STARD13: variants seen among roughly 807,000 people sequenced by gnomAD.
The protein encoded by STARD13 is StAR related lipid transfer domain containing 13.
Under a neutral mutation model 106.4 loss-of-function variants are expected in STARD13, and 62 were observed. The observed-to-expected ratio is 0.58, with a 90% CI of 0.48 to 0.72. The LOEUF (loss-of-function observed/expected upper bound fraction) is 0.72. Among genes scored for constraint, STARD13 ranks in the 30% least tolerant of loss-of-function variants. STARD13 has a pLI of 0.00. For synonymous variants in STARD13, 565 were observed against 553.0 expected (o/e 1.02, Z -0.31); for missense variants, 1,387 against 1,424.0 (o/e 0.97, Z 0.42).
At chr13:33,140,836 G>A (rs1879725417) in intron 4 of STARD13, among the ~76,000 whole-genome samples, 1 of 149,112 alleles carries the variant, frequency 6.7e-6, no homozygotes, top group African/African-American at 2.5e-5. Context: ...TCAGCTCACT[G>A]CAACCTCCGC....
chr13:33,230,021 G>A lies in STARD13; in HGVS notation c.169+55449C>T, dbSNP rs114444585. 3.4e-3 allele frequency among the ~76,000 whole-genome samples: 520 copies of A among 152,328 alleles called. 4 individuals are homozygous for A. The highest frequency in any genetic ancestry group is 0.012 in the African/African-American group (493 of 41,586). ...TGCTCCATTGGAGAGAAGAGCAGTT[G>A]CCTGAGGCATTTCAAAGACAAGCAA... On this transcript the variant is annotated intron_variant, in intron 1 of 13. Coordinates refer to ENST00000336934, the MANE Select transcript of STARD13 (RefSeq NM_178006.4).
the STARD13 span, among the ~76,000 whole-genome samples, chr13:33,362,865 G>A: frequency 6.6e-6 from 1 of 152,126 alleles, no homozygotes; most frequent in Non-Finnish European, 1.5e-5. Flanking sequence ...TTTCTTTCCC[G>A]AAACTGATTC....
chr13:33,150,717 T>C (rs1881160660), intron 3 of STARD13, among the ~76,000 whole-genome samples: 1 of 152,236 alleles, frequency 6.6e-6, no homozygotes, highest in South Asian at 2.1e-4. Flanking sequence ...CACAGCAGTT[T>C]GACCCTTTCA....
At chr13:33,627,127 C>T in the STARD13 span, among the ~76,000 whole-genome samples, 1 of 152,160 alleles carries the variant, frequency 6.6e-6, no homozygotes. Flanking sequence ...CTGCTTAAAT[C>T]TAGACAGTGT....
At chr13:33,540,285 AG>A in the STARD13 span, among the ~76,000 whole-genome samples, 6 of 152,238 alleles carry the variant, frequency 3.9e-5, no homozygotes, top group Admixed American at 2.6e-4. Flanking sequence ...CCTTAAGTCG[AG>A]AACTTTCACC....
chr13:33,623,176 G>T, the STARD13 span, among the ~76,000 whole-genome samples: 3 of 151,936 alleles, frequency 2.0e-5, no homozygotes, highest in Non-Finnish European at 2.9e-5. Flanking sequence ...AGATCGATCA[G>T]ATAATTTACC....
At chr13:33,540,220 C>T in the STARD13 span, among the ~76,000 whole-genome samples, 641 of 152,230 alleles carry the variant, frequency 4.2e-3, 3 homozygotes, top group African/African-American at 0.015. Flanking sequence ...CATAATTTCA[C>T]AGATAGAAGA....
the STARD13 span, among the ~76,000 whole-genome samples, chr13:33,553,117 A>AAT: frequency 1.3e-5 from 2 of 152,170 alleles, no homozygotes; most frequent in Non-Finnish European, 2.9e-5. Context: ...ATAATTCAAT[A>AAT]ATTTTTATTG....
At chr13:33,400,755 A>G in the STARD13 span, among the ~76,000 whole-genome samples, 9 of 152,088 alleles carry the variant, frequency 5.9e-5, no homozygotes, top group Admixed American at 2.6e-4. Flanking sequence ...GAACCACCGC[A>G]CCCAGCCCGT....
chr13:33,216,624 A>G (rs905855340), intron 1 of STARD13, among the ~76,000 whole-genome samples: 3 of 152,194 alleles, frequency 2.0e-5, no homozygotes, highest in Non-Finnish European at 4.4e-5. Context: ...GTATACTGCT[A>G]GGGTGACAGG....
At chr13:33,571,623 G>A in the STARD13 span, among the ~76,000 whole-genome samples, 9 of 152,096 alleles carry the variant, frequency 5.9e-5, no homozygotes, top group Admixed American at 1.3e-4. Context: ...CTATATTCAA[G>A]TTCATCAGAT....
chr13:33,486,983 A>T, the STARD13 span, among the ~76,000 whole-genome samples: 1 of 152,100 alleles, frequency 6.6e-6, no homozygotes, highest in South Asian at 2.1e-4. Flanking sequence ...TTCTAAACTC[A>T]CCGTAGCCTG....
chr13:33,447,229 G>T, the STARD13 span, among the ~76,000 whole-genome samples: 1 of 152,254 alleles, frequency 6.6e-6, no homozygotes, highest in East Asian at 1.9e-4. Flanking sequence ...ACCTAAAAAC[G>T]TCCGTCTCTT....
At chr13:33,497,010 T>G in the STARD13 span, among the ~76,000 whole-genome samples, 1 of 152,144 alleles carries the variant, frequency 6.6e-6, no homozygotes, top group Non-Finnish European at 1.5e-5. Flanking sequence ...CTGTTTTGTC[T>G]TATTTTCACA....
intron 1 of STARD13, among the ~76,000 whole-genome samples, chr13:33,298,283 C>T (rs978930424): frequency 6.7e-6 from 1 of 149,176 alleles, no homozygotes; most frequent in Non-Finnish European, 1.5e-5. Context: ...GCATATGCCA[C>T]CATGCTCAGC....
intron 1 of STARD13, chr13:33,335,209 C>T (rs2017328): frequency 0.56 from 84,670 of 152,086 alleles, 25,323 homozygotes; most frequent in East Asian, 0.94. Context: ...ACTTTTGTTA[C>T]AATCTGTTGA....
chr13:33,178,791 T>C (rs1884958945), intron 1 of STARD13, among the ~76,000 whole-genome samples: 1 of 152,242 alleles, frequency 6.6e-6, no homozygotes, highest in Non-Finnish European at 1.5e-5. Context: ...TGGTATTTCC[T>C]GGTTGCTGAA....
chr13:33,538,607 A>G, the STARD13 span, among the ~76,000 whole-genome samples: 2 of 152,006 alleles, frequency 1.3e-5, no homozygotes, highest in Non-Finnish European at 2.9e-5. Context: ...TACTTCCATA[A>G]AGTAAAAAAC....
At chr13:33,272,924 G>A (rs1324770793) in intron 1 of STARD13, 1 of 152,136 alleles carries the variant, frequency 6.6e-6, no homozygotes, top group Non-Finnish European at 1.5e-5. Context: ...CTAAATGGGG[G>A]TTGGGGAGGA....
Sources: gnomAD v4.1 joint callset for allele counts (sites outside exome capture counted in the v4.1 genomes callset) on GRCh38, gnomAD v4.1.1 for gene constraint, MANE v1.5 for transcripts, NCBI Gene and HGNC (gene_info 2026-07-23, HGNC 2026-07-21) for gene names.